Variants in ZMIZ1 observed in about 807,000 individuals in gnomAD.
ZMIZ1 encodes zinc finger MIZ-type containing 1.
Under a neutral mutation model 113.9 loss-of-function variants are expected in ZMIZ1, and 17 were observed. The ratio of observed to expected loss-of-function variants is 0.15; its 90% confidence interval spans 0.10 to 0.22. The LOEUF (loss-of-function observed/expected upper bound fraction) is 0.22. ZMIZ1 is among the 10% of genes least tolerant of loss of function. The pLI, the probability that ZMIZ1 is intolerant of heterozygous loss-of-function variation, is 1.00. For missense variants in ZMIZ1, 1,059 were observed against 1,477.8 expected (o/e 0.72, Z 4.65); for synonymous variants, 607 against 603.1 (o/e 1.01, Z -0.09).
chr10:79,087,374 CT>C (rs11305650), intron 1 of ZMIZ1, among the ~76,000 whole-genome samples: 107,543 of 152,066 alleles, frequency 0.71, 39,323 homozygotes, highest in African/African-American at 0.91. Flanking sequence ...ATTTTGACTC[CT>C]TCCCCAGGGC....
At chr10:79,089,766 C>T (rs955224877) in intron 1 of ZMIZ1, among the ~76,000 whole-genome samples, 1 of 152,118 alleles carries the variant, frequency 6.6e-6, no homozygotes, top group Admixed American at 6.5e-5. Flanking sequence ...TCCTTTGTCC[C>T]TCTCCCACTC....
chr10:79,167,505 C>T (rs909740938), intron 4 of ZMIZ1, among the ~76,000 whole-genome samples: 8 of 152,104 alleles, frequency 5.3e-5, no homozygotes, highest in African/African-American at 9.7e-5. Flanking sequence ...AATAAGGAAC[C>T]GAGGCACAGG....
At chr10:79,110,586 G>A (rs923271623) in intron 1 of ZMIZ1, among the ~76,000 whole-genome samples, 1 of 152,228 alleles carries the variant, frequency 6.6e-6, no homozygotes, top group Admixed American at 6.5e-5. Context: ...CTACAAAGGA[G>A]CTGGCTCCTG....
intron 1 of ZMIZ1, among the ~76,000 whole-genome samples, chr10:79,082,223 G>A (rs1842683425): frequency 6.6e-6 from 1 of 152,246 alleles, no homozygotes; most frequent in Non-Finnish European, 1.5e-5. Context: ...CAGGCACTCG[G>A]TGCCTATGGT....
At chr10:79,136,423 G>A (rs1336916239) in intron 2 of ZMIZ1, among the ~76,000 whole-genome samples, 4 of 152,212 alleles carry the variant, frequency 2.6e-5, no homozygotes, top group African/African-American at 9.7e-5. Context: ...GTTTCCTGCC[G>A]AGATCTTGGG....
chr10:79,212,207 G>C lies in ZMIZ1; in HGVS notation c.174+3758G>C, dbSNP rs115791470. ...GTGTCTTGCTCTGTCGTCCAGGCTG[G>C]AATGCAGTGGCACGATCATTGCTCA... On this transcript the variant is annotated intron_variant, in intron 6 of 24. Coordinates refer to ENST00000334512, the MANE Select transcript of ZMIZ1 (RefSeq NM_020338.4). Among the ~76,000 whole-genome samples, 1,129 of 151,914 alleles carry C rather than the reference G, an allele frequency of 7.4e-3. 12 individuals are homozygous for C. Among genetic ancestry groups the C allele is most frequent in the African/African-American group, 0.026 (1,065 of 41,394 alleles).
intron 7 of ZMIZ1, among the ~76,000 whole-genome samples, chr10:79,218,891 G>A (rs1292764225): frequency 6.6e-6 from 1 of 152,146 alleles, no homozygotes. Context: ...GGGGTACATG[G>A]CAAAGGCGAG....
At chr10:79,090,536 C>T (rs997269838) in intron 1 of ZMIZ1, among the ~76,000 whole-genome samples, 1 of 152,200 alleles carries the variant, frequency 6.6e-6, no homozygotes, top group Middle Eastern at 3.4e-3. Context: ...TGTGGGATCC[C>T]GTTTATTTAT....
intron 7 of ZMIZ1, among the ~76,000 whole-genome samples, chr10:79,223,467 C>T (rs56160095): frequency 0.097 from 14,695 of 152,230 alleles, 1,662 homozygotes; most frequent in African/African-American, 0.28. Flanking sequence ...CTTCCTTCCT[C>T]CTGCTGGGCT....
At chr10:79,117,524 C>T (rs1344552669) in intron 1 of ZMIZ1, among the ~76,000 whole-genome samples, 1 of 152,240 alleles carries the variant, frequency 6.6e-6, no homozygotes, top group Admixed American at 6.5e-5. Flanking sequence ...TTGACCCATT[C>T]TATGGTTGGT....
chr10:79,187,518 A>T (rs1384527741), intron 4 of ZMIZ1, among the ~76,000 whole-genome samples: 1 of 152,172 alleles, frequency 6.6e-6, no homozygotes, highest in Non-Finnish European at 1.5e-5. Flanking sequence ...GATGTATGCA[A>T]AGGGGCCTGG....
intron 4 of ZMIZ1, among the ~76,000 whole-genome samples, chr10:79,174,359 C>G (rs1846732512): frequency 6.6e-6 from 1 of 152,186 alleles, no homozygotes; most frequent in Non-Finnish European, 1.5e-5. Context: ...ACGCCAATCC[C>G]TGGACTCCCA....
intron 1 of ZMIZ1, among the ~76,000 whole-genome samples, chr10:79,104,948 G>A (rs1021316040): frequency 2.4e-5 from 3 of 127,586 alleles, no homozygotes. Context: ...TTGTTGTTGT[G>A]GGGTGTGTGT....
chr10:79,144,007 G>A lies in ZMIZ1; in HGVS notation c.-131+4230G>A, dbSNP rs138028751. ...GGAGATGCCCCTCCAACTCTGCATC[G>A]GGGACTAGGGCAGCAGCAGCAGCTG... On this transcript the variant is annotated intron_variant, in intron 3 of 24. Transcript: ENST00000334512. Among the ~76,000 whole-genome samples the A allele has an allele frequency of 2.3e-3, 352 of 152,266 alleles. 2 individuals are homozygous for A. The highest frequency in any genetic ancestry group is 8.1e-3 in the African/African-American group (335 of 41,566).
intron 7 of ZMIZ1, chr10:79,216,483 CA>C (rs1471042757): frequency 6.8e-6 from 3 of 442,140 alleles, no homozygotes; most frequent in East Asian, 7.7e-5. Flanking sequence ...ATACTTGCCT[CA>C]GGGGTACTGC....
rs1855115433 is a variant in ZMIZ1 at position 79,311,018 on chromosome 10, A to G, written c.2930A>G (p.His977Arg). The change falls in exon 24 of 25, where the codon CAT (histidine) becomes CGT (arginine). Residue 977 changes from histidine (H) to arginine (R), a missense_variant. By Grantham distance (29) the His-to-Arg change is conservative. This residue lies in a region of ZMIZ1 where 225 missense variants were observed against 276.0 expected (regional missense o/e 0.82). Transcript: ENST00000334512. ...HPSSQSGPPL[H>R]HSGAPPPPPS... ...AGCAGCCAGTCAGGGCCTCCATTACATCACAGTGGGGCTCCTCCTCCTCCT... is the reference window on the plus strand; with the variant it reads ...AGCAGCCAGTCAGGGCCTCCATTACGTCACAGTGGGGCTCCTCCTCCTCCT... 6.2e-7 allele frequency: 1 copy of G among 1,613,658 alleles called. No homozygotes were observed. Among genetic ancestry groups the G allele is most frequent in the South Asian group, 1.1e-5 (1 of 91,062 alleles).
At chr10:79,298,776 G>A (rs530206897) in intron 15 of ZMIZ1, among the ~76,000 whole-genome samples, 196 bp downstream of exon 15, 4 of 152,226 alleles carry the variant, frequency 2.6e-5, no homozygotes, top group Admixed American at 6.5e-5. Flanking sequence ...CTGCCTGGGC[G>A]CCTGGAGGCT....
intron 1 of ZMIZ1, among the ~76,000 whole-genome samples, chr10:79,096,653 G>C (rs1268041154): frequency 6.6e-6 from 1 of 152,214 alleles, no homozygotes; most frequent in Non-Finnish European, 1.5e-5. Context: ...TTGAGGGGTT[G>C]ATAGAGACTG....
chr10:79,213,639 G>C (rs970950332), intron 6 of ZMIZ1, among the ~76,000 whole-genome samples: 1 of 152,178 alleles, frequency 6.6e-6, no homozygotes, highest in Non-Finnish European at 1.5e-5. Context: ...CCAAACATGG[G>C]GACTTTTGCC....
Sources: gnomAD v4.1 joint callset for allele counts (sites outside exome capture counted in the v4.1 genomes callset) on GRCh38, gnomAD v4.1.1 for gene constraint, gnomAD v4.1.1 regional missense constraint, MANE v1.5 for transcripts, NCBI Gene and HGNC (gene_info 2026-07-23, HGNC 2026-07-21) for gene names.